The following GLIS2 variants were observed in gnomAD, a reference collection of about 807,000 sequenced individuals.
GLIS2 encodes GLIS family zinc finger 2.
Under a neutral mutation model 35.6 loss-of-function variants are expected in GLIS2, and 14 were observed. That is an observed-to-expected ratio of 0.39 (90% CI 0.26 to 0.61). The LOEUF (loss-of-function observed/expected upper bound fraction) is 0.61. Ranked by LOEUF, GLIS2 falls within the 20% of genes least tolerant of loss-of-function variation. The pLI is 0.48. For synonymous variants in GLIS2, 368 were observed against 325.1 expected, an observed-to-expected ratio of 1.13 and a Z score of -1.42; for missense variants, 675 against 713.4, an observed-to-expected ratio of 0.95 and a Z score of 0.61.
At chr16:4,319,828 G>T (rs1158231719) in intron 1 of GLIS2, among the ~76,000 whole-genome samples, 1 of 152,174 alleles carries the variant, frequency 6.6e-6, no homozygotes, top group African/African-American at 2.4e-5. Flanking sequence ...CTTAGCCCCT[G>T]GGTGAGGCTG....
Position 4,335,465 on chromosome 16 carries a change from A to AG in GLIS2, c.775+77dup, listed in dbSNP as rs2053540740. 1 of 1,307,616 alleles carries AG rather than the reference A, an allele frequency of 7.6e-7. No homozygotes were observed. Among genetic ancestry groups the AG allele is most frequent in the Middle Eastern group, 2.0e-4 (1 of 4,978 alleles). 81.0% of individuals were successfully genotyped at this position (1,307,616 alleles called of 1,614,324 possible). A position where few individuals can be genotyped will look rare whatever the true frequency, so the allele number is the denominator to read the frequency against. On this transcript the variant is annotated intron_variant, in intron 6 of 6. Coordinates refer to ENST00000433375, the MANE Select transcript of GLIS2 (RefSeq NM_032575.3). The surrounding 1 kb of genome is among the most constrained non-coding windows in gnomAD (Gnocchi z 4.6). ...GCTGAGACCGGCTGGGCAGGTCCCC[A>AG]GGGGGAGGGGACTGTTAAGTAAATC...
intron 6 of GLIS2, chr16:4,336,184 T>TC (rs1366260023): frequency 1.4e-5 from 3 of 212,126 alleles, no homozygotes; most frequent in African/African-American, 6.8e-5. Context: ...ACTCACTCTG[T>TC]CACCCAGGCT....
chr16:4,315,666 C>CG (rs775747342), upstream of GLIS2, among the ~76,000 whole-genome samples: 23,458 of 138,454 alleles, frequency 0.17, 2,553 homozygotes, highest in African/African-American at 0.32. Context: ...GGCGGGGCCG[C>CG]GGGGGGGGGG....
At chr16:4,326,962 T>C (rs1383021615) in intron 1 of GLIS2, among the ~76,000 whole-genome samples, 3 of 152,154 alleles carry the variant, frequency 2.0e-5, no homozygotes, top group Admixed American at 2.0e-4. Flanking sequence ...CGTTTCGCCA[T>C]GTTGGCCAGG....
In GLIS2 at chr16:4,334,863, C is replaced by T. The variant is rs773863545; in HGVS notation, c.408C>T (p.Leu136=). ...VPSSFQFFLP[L]GSGGALHLPA... is the part of the protein sequence containing the mutation. ...GCTCCTTCCAGTTCTTCCTGCCCCT[C>T]GGCTCCGGGGGGGCCCTGCACCTGC... The change falls in exon 4 of 7, where the codon CTC becomes CTT. Residue 136 remains leucine (L), a synonymous_variant. Coordinates refer to ENST00000433375, the MANE Select transcript of GLIS2 (RefSeq NM_032575.3). The T allele has an allele frequency of 2.0e-5, 32 of 1,613,224 alleles. No homozygotes were observed. The highest frequency in any genetic ancestry group is 1.8e-4 in the East Asian group (8 of 44,882).
At chr16:4,322,961 C>T (rs1296791583) in intron 1 of GLIS2, among the ~76,000 whole-genome samples, 1 of 152,232 alleles carries the variant, frequency 6.6e-6, no homozygotes, top group Non-Finnish European at 1.5e-5. Context: ...CCGGCCTCAT[C>T]CCTGCTCTCC....
intron 1 of GLIS2, among the ~76,000 whole-genome samples, chr16:4,327,750 T>C (rs2918600): frequency 1 from 149,040 of 149,064 alleles, 74,508 homozygotes; most frequent in Middle Eastern, 1. Context: ...GCCCCCGCCG[T>C]CCCGGTGGTC....
In GLIS2 at chr16:4,333,527, G is replaced by C. The variant is rs759961907; in HGVS notation, c.345+8G>C. 2 of 1,606,410 alleles carry C rather than the reference G, an allele frequency of 1.2e-6. No individual in the cohort carries two copies. The highest frequency in any genetic ancestry group is 1.7e-6 in the Non-Finnish European group (2 of 1,176,402). ...CCAGTGCCCAGTGCCTCGGTAAGGA[G>C]GGGTGAGAGTTCCGGAGAGAGGGGT... On this transcript the variant is annotated splice_region_variant and intron_variant, in intron 3 of 6. Coordinates refer to ENST00000433375, the MANE Select transcript of GLIS2 (RefSeq NM_032575.3).
At chr16:4,322,765 G>A (rs62037585) in intron 1 of GLIS2, among the ~76,000 whole-genome samples, 1,585 of 152,298 alleles carry the variant, frequency 0.01, 17 homozygotes, top group Non-Finnish European at 0.017. Context: ...TCCACCGCCC[G>A]CCTTACCCAC....
chr16:4,315,524 TCTGCGGGG>T (rs1414802088), upstream of GLIS2: 40 of 151,642 alleles, frequency 2.6e-4, 1 homozygote, highest in Admixed American at 2.6e-3. Context: ...ATCTTCCCGG[TCTGCGGGG>T]CTTTTCCTCT....
At chr16:4,328,011 G>C (rs564537196) in intron 1 of GLIS2, among the ~76,000 whole-genome samples, 2 of 152,172 alleles carry the variant, frequency 1.3e-5, no homozygotes, top group Non-Finnish European at 2.9e-5. Flanking sequence ...CCTCCACGCT[G>C]CGCTGTCCCA....
At chr16:4,316,698 G>T (rs2053316819) in intron 1 of GLIS2, among the ~76,000 whole-genome samples, 1 of 152,110 alleles carries the variant, frequency 6.6e-6, no homozygotes, top group African/African-American at 2.4e-5. Context: ...GCTTTGGAAG[G>T]TGCCTCCTCC....
At chr16:4,334,732 G>A (rs1295056573) in intron 3 of GLIS2, 69 bp from the exon 4 acceptor site, 3 of 1,583,404 alleles carry the variant, frequency 1.9e-6, no homozygotes, top group Non-Finnish European at 2.6e-6. Flanking sequence ...ACACCATTCA[G>A]TCCACTACCG....
In GLIS2 at chr16:4,334,811, C is replaced by T. The variant is rs747419417; in HGVS notation, c.356C>T (p.Pro119Leu). ...CCCCTCGCACCCCAGGACTTCCAGC[C>T]ACTGCGCTATTTGGATGGTGTCCCC... ...PPVPSASDFQ[P>L]LRYLDGVPSS... The change falls in exon 4 of 7, where the codon CCA (proline) becomes CTA (leucine). Residue 119 changes from proline to leucine, a missense_variant. Physicochemically the swap from Pro to Leu is moderately conservative, Grantham distance 98. Around this residue, in one of 3 missense-constraint regions of GLIS2, gnomAD observed 225 missense variants for 238.7 expected, o/e 0.94. Coordinates refer to ENST00000433375, the MANE Select transcript of GLIS2 (RefSeq NM_032575.3). 1 of 1,613,484 alleles carries T rather than the reference C, an allele frequency of 6.2e-7. No homozygotes were observed. The highest frequency in any genetic ancestry group is 8.5e-7 in the Non-Finnish European group (1 of 1,180,010).
rs1441943491 is a variant in GLIS2, at chr16:4,335,499, C to T, written c.775+106C>T. ...GGACTGTTAAGTAAATCCCGGGCCT[C>T]AGAGATAAGGGTTGATGTCATCGCC... On this transcript the variant is annotated intron_variant, in intron 6 of 6. Transcript: ENST00000433375. The surrounding 1 kb of genome is among the most constrained non-coding windows in gnomAD (Gnocchi z 4.6). 2 of 1,014,344 alleles carry T rather than the reference C, an allele frequency of 2.0e-6. No individual in the cohort carries two copies. Among genetic ancestry groups the T allele is most frequent in the South Asian group, 1.3e-5 (1 of 75,428 alleles). 62.8% of individuals were successfully genotyped at this position (1,014,344 alleles called of 1,614,324 possible).
In GLIS2 at chr16:4,335,104, C is replaced by G; in HGVS notation, c.567C>G (p.Val189=). The change falls in exon 5 of 7, where the codon GTC becomes GTG. Residue 189 remains valine (V), a synonymous_variant. Transcript: ENST00000433375. The surrounding 1 kb of genome is among the most constrained non-coding windows in gnomAD (Gnocchi z 4.6). ...FELLQDLVDH[V]NDYHVKPEKD... is the part of the protein sequence containing the mutation. ...TCCTGCAAGACCTGGTGGACCATGT[C>G]AACGATTACCATGTCAAGCCCGAGA... 1 of 1,613,480 alleles carries G rather than the reference C, an allele frequency of 6.2e-7. No homozygotes were observed. The highest frequency in any genetic ancestry group is 8.5e-7 in the Non-Finnish European group (1 of 1,180,040).
At chr16:4,317,060 G>A (rs1279643922) in intron 1 of GLIS2, among the ~76,000 whole-genome samples, 1 of 152,184 alleles carries the variant, frequency 6.6e-6, no homozygotes, top group Non-Finnish European at 1.5e-5. Context: ...CAGGGTACTC[G>A]GGCCACAGCA....
At chr16:4,315,788 C>A (rs1340546703), upstream of GLIS2, among the ~76,000 whole-genome samples, 4 of 150,914 alleles carry the variant, frequency 2.7e-5, no homozygotes, top group East Asian at 5.9e-4. Flanking sequence ...TCCCTTCCCC[C>A]TCCCTCGGCC....
chr16:4,316,987 C>A (rs1597329891), intron 1 of GLIS2, among the ~76,000 whole-genome samples: 1 of 152,280 alleles, frequency 6.6e-6, no homozygotes, highest in East Asian at 1.9e-4. Flanking sequence ...CCCCGCTGGC[C>A]CCCTGGGATG....
Sources: allele counts gnomAD v4.1 joint callset (sites outside exome capture counted in the v4.1 genomes callset), GRCh38; gene constraint gnomAD v4.1.1; regional missense constraint gnomAD v4.1.1; non-coding constraint Gnocchi (gnomAD v3.1); transcripts MANE v1.5; gene names NCBI Gene and HGNC (gene_info 2026-07-23, HGNC 2026-07-21).